GABRG3: variants seen among roughly 807,000 people sequenced by gnomAD.
The protein encoded by GABRG3 is gamma-aminobutyric acid receptor subunit gamma-3.
GABRG3 carries 25 observed loss-of-function variants against 48.8 expected under a neutral mutation model. The observed-to-expected ratio is 0.51, with a 90% CI of 0.37 to 0.72. The LOEUF is 0.72. GABRG3 is among the 30% of genes least tolerant of loss of function. The pLI is 0.00. For synonymous variants in GABRG3, 227 were observed against 217.6 expected (o/e 1.04, Z -0.38); for missense variants, 394 against 577.9 (o/e 0.68, Z 3.26).
intron 6 of GABRG3, among the ~76,000 whole-genome samples, chr15:27,488,878 TA>T (rs202002580): frequency 1.3e-5 from 2 of 152,206 alleles, no homozygotes; most frequent in Admixed American, 6.5e-5. Flanking sequence ...CAAGGGACTT[TA>T]AAAAATTTTT....
chr15:27,085,513 T>C (rs1480279623), intron 3 of GABRG3, among the ~76,000 whole-genome samples: 1 of 152,226 alleles, frequency 6.6e-6, no homozygotes, highest in Non-Finnish European at 1.5e-5. Context: ...TATATTTGTA[T>C]AGTTACTGCA....
chr15:27,070,395 A>G (rs549114228), intron 3 of GABRG3, among the ~76,000 whole-genome samples: 9 of 152,354 alleles, frequency 5.9e-5, no homozygotes, highest in African/African-American at 2.2e-4. Flanking sequence ...CTGTGACCAC[A>G]TAGAACATTC....
At chr15:27,006,032 G>A (rs1227721560) in intron 2 of GABRG3, among the ~76,000 whole-genome samples, 1 of 152,074 alleles carries the variant, frequency 6.6e-6, no homozygotes, top group African/African-American at 2.4e-5. Context: ...TAAGAGAAAG[G>A]GTAAATGAGA....
intron 3 of GABRG3, among the ~76,000 whole-genome samples, chr15:27,035,689 G>A (rs1333780517): frequency 2.6e-5 from 4 of 152,338 alleles, no homozygotes; most frequent in African/African-American, 7.2e-5. Context: ...GCCACGTGGA[G>A]CTTGCCACAG....
Position 27,015,287 on chromosome 15 carries a change from A to G in GABRG3, c.203-11467A>G, listed in dbSNP as rs555594382. 3.9e-5 allele frequency among the ~76,000 whole-genome samples: 6 copies of G among 152,014 alleles called. No homozygotes were observed. The South Asian group carries it at 1.0e-3, about 26-fold the overall frequency. On this transcript the variant is annotated intron_variant, in intron 2 of 9. Transcript: ENST00000615808. ...AGAAAGTAATTACTGATAGGGAAGG[A>G]CTTACTGTTGCCATTTTGTTAATTT...
intron 2 of GABRG3, among the ~76,000 whole-genome samples, chr15:27,015,577 CG>C (rs959504481): frequency 2.0e-5 from 3 of 151,482 alleles, no homozygotes; most frequent in Non-Finnish European, 4.4e-5. Flanking sequence ...TTAGTAGAGA[CG>C]GGGTTTCACC....
chr15:26,972,701 A>G (rs1382962456), intron 1 of GABRG3, among the ~76,000 whole-genome samples: 1 of 152,104 alleles, frequency 6.6e-6, no homozygotes, highest in African/African-American at 2.4e-5. Context: ...CCTATTTGTG[A>G]ACTACCAAGG....
chr15:27,406,923 T>TTTG (rs879375896), intron 5 of GABRG3, among the ~76,000 whole-genome samples: 5 of 152,172 alleles, frequency 3.3e-5, no homozygotes, highest in East Asian at 1.9e-4. Context: ...TTTTTTTCTT[T>TTTG]TTGTTGTTGT....
chr15:27,307,778 A>T (rs1439754226), intron 3 of GABRG3, among the ~76,000 whole-genome samples: 1 of 130,528 alleles, frequency 7.7e-6, no homozygotes, highest in African/African-American at 2.9e-5. Context: ...ACATATGTTT[A>T]TATATAAACA....
chr15:27,138,951 G>A (rs917748939), intron 3 of GABRG3, among the ~76,000 whole-genome samples: 2 of 152,072 alleles, frequency 1.3e-5, no homozygotes, highest in Non-Finnish European at 2.9e-5. Context: ...CTTGGGTACT[G>A]TATAACTCAG....
At chr15:27,224,724 A>T (rs1330416806) in intron 3 of GABRG3, among the ~76,000 whole-genome samples, 1 of 152,206 alleles carries the variant, frequency 6.6e-6, no homozygotes, top group Admixed American at 6.5e-5. Flanking sequence ...GAAGTAACAG[A>T]TTTGATTATT....
At chr15:27,114,425 C>T (rs1369614486) in intron 3 of GABRG3, among the ~76,000 whole-genome samples, 1 of 152,182 alleles carries the variant, frequency 6.6e-6, no homozygotes, top group Admixed American at 6.5e-5. Flanking sequence ...AATCTTATAG[C>T]TGTGCATTCT....
intron 3 of GABRG3, among the ~76,000 whole-genome samples, chr15:27,124,277 C>T (rs1462359138): frequency 2.6e-5 from 4 of 152,140 alleles, no homozygotes; most frequent in Non-Finnish European, 5.9e-5. Flanking sequence ...TAAGAAATTC[C>T]GTTTACCACA....
chr15:27,507,539 C>G (rs919901170), intron 6 of GABRG3, among the ~76,000 whole-genome samples: 2 of 151,834 alleles, frequency 1.3e-5, no homozygotes, highest in African/African-American at 4.8e-5. Context: ...AATAAATAAA[C>G]AAATAAATAT....
chr15:27,461,039 A>G (rs976154257), intron 5 of GABRG3, among the ~76,000 whole-genome samples: 1 of 152,182 alleles, frequency 6.6e-6, no homozygotes, highest in South Asian at 2.1e-4. Context: ...TTATACAAAC[A>G]TATCTACTCT....
In GABRG3 at chr15:27,065,175, T is replaced by G. The variant is rs993312308; in HGVS notation, c.270+38354T>G. On this transcript the variant is annotated intron_variant, in intron 3 of 9. Coordinates refer to ENST00000615808, the MANE Select transcript of GABRG3 (RefSeq NM_033223.5). ...GGAAAGGCTGTTTATGGCGGTCTAC[T>G]TTTTACTCACCATAACGAGTGGATG... 2.0e-5 allele frequency among the ~76,000 whole-genome samples: 3 copies of G among 152,188 alleles called. No individual in the cohort carries two copies. The East Asian group carries it at 5.8e-4, about 29-fold the overall frequency.
chr15:27,501,020 C>G (rs1312363506), intron 6 of GABRG3, among the ~76,000 whole-genome samples: 1 of 146,510 alleles, frequency 6.8e-6, no homozygotes, highest in Non-Finnish European at 1.5e-5. Flanking sequence ...GGCGCGATCT[C>G]GGCTCACTGC....
At chr15:27,329,867 A>G (rs548452160) in intron 5 of GABRG3, among the ~76,000 whole-genome samples, 43 of 152,348 alleles carry the variant, frequency 2.8e-4, no homozygotes, top group South Asian at 2.3e-3. Flanking sequence ...TGAATTTACA[A>G]TGGGGCATTT....
intron 3 of GABRG3, among the ~76,000 whole-genome samples, chr15:27,035,222 G>T (rs992206824): frequency 6.6e-6 from 1 of 152,168 alleles, no homozygotes; most frequent in Non-Finnish European, 1.5e-5. Flanking sequence ...CTGTCCTCTG[G>T]TGTCTTAGAA....
Sources: gnomAD v4.1 joint callset for allele counts (sites outside exome capture counted in the v4.1 genomes callset) on GRCh38, gnomAD v4.1.1 for gene constraint, MANE v1.5 for transcripts, NCBI Gene and HGNC (gene_info 2026-07-23, HGNC 2026-07-21) for gene names.